KCNK2: variants seen among roughly 807,000 people sequenced by gnomAD.
The protein encoded by KCNK2 is potassium two pore domain channel subfamily K member 2.
KCNK2 carries 21 observed loss-of-function variants against 40.5 expected under a neutral mutation model. That is an observed-to-expected ratio of 0.52 (90% CI 0.37 to 0.75). KCNK2 has a LOEUF of 0.75. KCNK2 is among the 30% of genes least tolerant of loss of function. The probability of loss-of-function intolerance (pLI) is 0.00; values close to 1 mark genes in which losing one functional copy is unlikely to be tolerated. For synonymous variants in KCNK2, 191 were observed against 202.2 expected (o/e 0.94, Z 0.47); for missense variants, 399 against 531.6 (o/e 0.75, Z 2.45).
rs775563802 is a variant in KCNK2 at position 215,194,945 on chromosome 1, G to A, written c.824-8G>A. The A allele has an allele frequency of 2.1e-5, 34 of 1,611,568 alleles. No homozygotes were observed. In the South Asian group the frequency reaches 3.7e-4, roughly 18 times the overall value. On this transcript the variant is annotated splice_polypyrimidine_tract_variant and splice_region_variant and intron_variant, in intron 5 of 6. Transcript: ENST00000444842. The stretch of plus-strand genomic sequence containing the variant: ...AAGTTATTTTGTTTTACTTTGTTTT[G>A]TCTCCAGGTGGATCCGATATTGAAT...
intron 3 of KCNK2, among the ~76,000 whole-genome samples, chr1:215,157,418 C>T (rs764569660): frequency 6.6e-6 from 1 of 152,198 alleles, no homozygotes; most frequent in Non-Finnish European, 1.5e-5. Flanking sequence ...CCTCTGGCCA[C>T]TGCCCCTCCC....
At chr1:215,191,914 A>G (rs1664682793) in intron 5 of KCNK2, among the ~76,000 whole-genome samples, 2 of 152,076 alleles carry the variant, frequency 1.3e-5, no homozygotes, top group Non-Finnish European at 2.9e-5. Flanking sequence ...GAAAAAACAG[A>G]GCGTGGGAGA....
At chr1:215,134,914 T>C (rs959099576) in intron 3 of KCNK2, among the ~76,000 whole-genome samples, 1 of 151,810 alleles carries the variant, frequency 6.6e-6, no homozygotes, top group Non-Finnish European at 1.5e-5. Context: ...ATATATTTCT[T>C]ATTATAAATT....
chr1:215,187,058 A>G (rs967048361), intron 5 of KCNK2, among the ~76,000 whole-genome samples: 3 of 152,052 alleles, frequency 2.0e-5, no homozygotes, highest in Non-Finnish European at 4.4e-5. Flanking sequence ...CAGCCTCGAC[A>G]TTCTGGGCTC....
chr1:215,132,669 T>A (rs1267888668), intron 3 of KCNK2, among the ~76,000 whole-genome samples: 2 of 152,228 alleles, frequency 1.3e-5, no homozygotes, highest in Non-Finnish European at 2.9e-5. Context: ...CTTAAATTAA[T>A]GAAAACAAAA....
chr1:215,053,860 G>A (rs1288675887), intron 1 of KCNK2, among the ~76,000 whole-genome samples: 2 of 152,142 alleles, frequency 1.3e-5, no homozygotes, highest in African/African-American at 4.8e-5. Flanking sequence ...CCAGCTACTC[G>A]GGAGGCTGAG....
At chr1:215,204,255 A>G (rs1665214040) in intron 6 of KCNK2, among the ~76,000 whole-genome samples, 1 of 151,786 alleles carries the variant, frequency 6.6e-6, no homozygotes, top group Non-Finnish European at 1.5e-5. Flanking sequence ...ATGTGCAGGA[A>G]GATTACTTTT....
chr1:215,011,192 C>G (rs1049882066), intron 1 of KCNK2, among the ~76,000 whole-genome samples: 1 of 152,076 alleles, frequency 6.6e-6, no homozygotes, highest in African/African-American at 2.4e-5. Flanking sequence ...CCTCCTCCAT[C>G]TCAAACTCCT....
In KCNK2 at chr1:215,083,615, G is replaced by T; in HGVS notation, c.46+184G>T. 2 of 607,972 alleles carry T rather than the reference G, an allele frequency of 3.3e-6. 1 individual carries two copies. Among genetic ancestry groups the T allele is most frequent in the South Asian group, 3.9e-5 (2 of 51,052 alleles). 37.7% of individuals were successfully genotyped at this position (607,972 alleles called of 1,614,324 possible). A position where few individuals can be genotyped will look rare whatever the true frequency, so the allele number is the denominator to read the frequency against. ...ACCCTTGCCAGATCCTCTCCACGCC[G>T]CTTCTCCCCCCTCTCCCGCCGGTGC... On this transcript the variant is annotated intron_variant, in intron 1 of 6. Coordinates refer to ENST00000444842, the MANE Select transcript of KCNK2 (RefSeq NM_001017425.3).
intron 2 of KCNK2, among the ~76,000 whole-genome samples, chr1:215,113,554 T>A (rs1180364770): frequency 6.6e-6 from 1 of 152,144 alleles, no homozygotes; most frequent in Admixed American, 6.6e-5. Context: ...TTCAAATAGT[T>A]AGCTTAAAGA....
intron 1 of KCNK2, among the ~76,000 whole-genome samples, chr1:215,009,269 T>A (rs970297321): frequency 1.3e-5 from 2 of 152,140 alleles, no homozygotes; most frequent in Admixed American, 1.3e-4. Context: ...CCACCATTTT[T>A]ATACTACTAC....
chr1:215,158,483 A>G (rs1288313522), intron 3 of KCNK2, among the ~76,000 whole-genome samples: 1 of 152,162 alleles, frequency 6.6e-6, no homozygotes, highest in Non-Finnish European at 1.5e-5. Flanking sequence ...GGGTAGATCA[A>G]ATTAAGTCCT....
At chr1:215,079,572 G>GGTTC (rs1262316520), upstream of KCNK2, among the ~76,000 whole-genome samples, 1 of 152,144 alleles carries the variant, frequency 6.6e-6, no homozygotes, top group Non-Finnish European at 1.5e-5. Flanking sequence ...AACAGCAAGG[G>GGTTC]GAACGTCTGG....
At chr1:215,160,592 T>C (rs1663150127) in intron 3 of KCNK2, among the ~76,000 whole-genome samples, 1 of 152,160 alleles carries the variant, frequency 6.6e-6, no homozygotes, top group African/African-American at 2.4e-5. Context: ...TATTCAACCT[T>C]TCAAAAATAG....
chr1:215,041,435 A>G (rs1474286972), intron 1 of KCNK2, among the ~76,000 whole-genome samples: 2 of 152,162 alleles, frequency 1.3e-5, no homozygotes, highest in African/African-American at 4.8e-5. Flanking sequence ...AAGTGTTGGT[A>G]AGTTTTGTTT....
Position 215,158,654 on chromosome 1 carries a change from G to T in KCNK2, c.476-10545G>T, listed in dbSNP as rs547229147. Among the ~76,000 whole-genome samples, 475 of 152,172 alleles carry T rather than the reference G, an allele frequency of 3.1e-3. 1 individual carries two copies. Among genetic ancestry groups the T allele is most frequent in the African/African-American group, 0.011 (456 of 41,516 alleles). Reference sequence around the variant, plus strand: ...TATGAATATGACTCTAAAGACATTTGCCATCTTAGAGGTAGGTTACGTCTT... The same window carrying T: ...TATGAATATGACTCTAAAGACATTTTCCATCTTAGAGGTAGGTTACGTCTT... On this transcript the variant is annotated intron_variant, in intron 3 of 6. Coordinates refer to ENST00000444842, the MANE Select transcript of KCNK2 (RefSeq NM_001017425.3).
chr1:215,026,292 C>A (rs1475652563), intron 1 of KCNK2, among the ~76,000 whole-genome samples: 1 of 152,016 alleles, frequency 6.6e-6, no homozygotes, highest in East Asian at 1.9e-4. Context: ...TTTCCTACAT[C>A]TACCATTTGT....
rs1663585053 is a variant in KCNK2, at chr1:215,169,223, C to T, written c.500C>T (p.Thr167Ile). ...TIGFGNISPRTEGGKIFCIIY... is the reference protein window; with the variant it reads ...TIGFGNISPRIEGGKIFCIIY... ...GGATTTGGAAACATCTCACCACGCA[C>T]AGAAGGCGGCAAAATATTCTGTATC... The change falls in exon 4 of 7, where the codon ACA becomes ATA. Residue 167 changes from threonine to isoleucine, a missense_variant. Physicochemically the swap from Thr to Ile is moderately conservative, Grantham distance 89 (BLOSUM62 -1). Transcript: ENST00000444842. 2 of 1,609,986 alleles carry T rather than the reference C, an allele frequency of 1.2e-6. No individual in the cohort carries two copies. The highest frequency in any genetic ancestry group is 1.7e-5 in the Admixed American group (1 of 59,110).
At chr1:215,134,972 CTA>C (rs936657368) in intron 3 of KCNK2, among the ~76,000 whole-genome samples, 2 of 151,710 alleles carry the variant, frequency 1.3e-5, no homozygotes, top group Non-Finnish European at 2.9e-5. Flanking sequence ...CCTAAATAGC[CTA>C]TGTTTAAAGC....
Sources: allele counts gnomAD v4.1 joint callset (sites outside exome capture counted in the v4.1 genomes callset), GRCh38; gene constraint gnomAD v4.1.1; transcripts MANE v1.5; gene names NCBI Gene and HGNC (gene_info 2026-07-23, HGNC 2026-07-21).